OCA2: variants seen among roughly 807,000 people sequenced by gnomAD.
OCA2 encodes P protein.
A neutral mutation model predicts 100.2 loss-of-function variants in OCA2; 77 were observed. That is an observed-to-expected ratio of 0.77 (90% CI 0.64 to 0.93). The LOEUF (loss-of-function observed/expected upper bound fraction) is 0.93. OCA2 is among the 40% of genes least tolerant of loss of function. The pLI is 0.00. For synonymous variants in OCA2, 432 were observed against 439.2 expected (o/e 0.98, Z 0.21); for missense variants, 1,062 against 1,089.1 (o/e 0.98, Z 0.35).
At position 28,004,076 on chromosome 15, in the gene OCA2, T is replaced by G. The variant is rs973608357; in HGVS notation, c.1044+10700A>C. ...TGCAAGACACCCTGCTCTTCCTTCC[T>G]GTGGGTCTCTCTGCACGTCACTGAT... On this transcript the variant is annotated intron_variant, in intron 9 of 23. Transcript: ENST00000354638. Among the ~76,000 whole-genome samples, 9 of 152,378 alleles carry G rather than the reference T, an allele frequency of 5.9e-5. No homozygotes were observed. The South Asian group carries it at 1.9e-3, about 32-fold the overall frequency.
chr15:27,828,612 C>T (rs17674249), intron 23 of OCA2, among the ~76,000 whole-genome samples: 21,707 of 152,048 alleles, frequency 0.14, 2,309 homozygotes, highest in East Asian at 0.54. Context: ...ATGGCCGAGA[C>T]AAATACAGTA....
At position 27,799,199 on chromosome 15, in the gene OCA2, C is replaced by T. The variant is rs377488026; in HGVS notation, c.2433-43727G>A. Among the ~76,000 whole-genome samples, 31 of 152,322 alleles carry T rather than the reference C, an allele frequency of 2.0e-4. No homozygotes were observed. The South Asian group carries it at 5.6e-3, about 28-fold the overall frequency. ...TGCAAAGATGGACCAAGCTGCCCCA[C>T]GGACATTATCCACTCATTCACTCAA... On this transcript the variant is annotated intron_variant, in intron 23 of 23. Coordinates refer to ENST00000354638, the MANE Select transcript of OCA2 (RefSeq NM_000275.3).
At chr15:28,027,319 T>C (rs2042783677) in intron 4 of OCA2, among the ~76,000 whole-genome samples, 1 of 152,150 alleles carries the variant, frequency 6.6e-6, no homozygotes, top group African/African-American at 2.4e-5. Context: ...CCATCCACTT[T>C]CTCTATGCAA....
intron 1 of OCA2, among the ~76,000 whole-genome samples, chr15:28,096,976 C>A (rs1461021248): frequency 6.6e-6 from 1 of 152,136 alleles, no homozygotes; most frequent in Non-Finnish European, 1.5e-5. Flanking sequence ...CTCCCCGCGG[C>A]GCCGCTGCCG....
intron 2 of OCA2, among the ~76,000 whole-genome samples, chr15:28,059,929 C>T (rs1336887774): frequency 1.3e-5 from 2 of 152,202 alleles, no homozygotes; most frequent in Admixed American, 1.3e-4. Context: ...TCATTCAAGC[C>T]AAAGTTCAGA....
At chr15:28,010,105 G>C (rs964790674) in intron 9 of OCA2, among the ~76,000 whole-genome samples, 1 of 151,314 alleles carries the variant, frequency 6.6e-6, no homozygotes, top group Non-Finnish European at 1.5e-5. Flanking sequence ...AAAACCATAT[G>C]AGCACATCAG....
At chr15:27,838,892 C>T (rs1434122455) in intron 23 of OCA2, among the ~76,000 whole-genome samples, 1 of 152,174 alleles carries the variant, frequency 6.6e-6, no homozygotes, top group African/African-American at 2.4e-5. Flanking sequence ...CAAAGATTAG[C>T]TTCACCTGTC....
At chr15:28,054,342 T>C (rs1271594806) in intron 2 of OCA2, among the ~76,000 whole-genome samples, 1 of 152,214 alleles carries the variant, frequency 6.6e-6, no homozygotes, top group Non-Finnish European at 1.5e-5. Flanking sequence ...TGTGTGTTTA[T>C]GTGTGTGCAT....
intron 1 of OCA2, among the ~76,000 whole-genome samples, chr15:28,090,938 A>G (rs932739142): frequency 1.3e-5 from 2 of 152,190 alleles, no homozygotes; most frequent in African/African-American, 4.8e-5. Context: ...GGAATTAACA[A>G]TCCTCTAGCA....
At chr15:28,017,907 C>A (rs928688614) in intron 7 of OCA2, among the ~76,000 whole-genome samples, 1 of 152,132 alleles carries the variant, frequency 6.6e-6, no homozygotes, top group South Asian at 2.1e-4. Context: ...CGCTTCCTGG[C>A]TGCCTTTGCA....
chr15:28,027,813 G>T, intron 4 of OCA2, 58 bp downstream of exon 4: 1 of 1,561,506 alleles, frequency 6.4e-7, no homozygotes, highest in Non-Finnish European at 8.8e-7. Flanking sequence ...GAGGGGCCAT[G>T]TAGGACGCGA....
intron 23 of OCA2, among the ~76,000 whole-genome samples, chr15:27,839,579 T>C (rs1225759451): frequency 2.6e-5 from 4 of 152,186 alleles, no homozygotes; most frequent in Non-Finnish European, 4.4e-5. Flanking sequence ...GGATGTTTAA[T>C]AGTGCTAAAA....
intron 21 of OCA2, among the ~76,000 whole-genome samples, chr15:27,866,755 A>C (rs979355919): frequency 2.6e-5 from 4 of 152,212 alleles, no homozygotes; most frequent in Non-Finnish European, 5.9e-5. Context: ...TGAGGTAGGG[A>C]TGGAGAAAGG....
intron 23 of OCA2, among the ~76,000 whole-genome samples, chr15:27,811,063 C>CT (rs35755353): frequency 0.73 from 111,374 of 152,002 alleles, 42,141 homozygotes; most frequent in East Asian, 1. Context: ...AAAAAGACAC[C>CT]GTACATGCAT....
intron 23 of OCA2, among the ~76,000 whole-genome samples, chr15:27,838,712 A>C (rs943700306): frequency 2.0e-5 from 3 of 152,230 alleles, no homozygotes; most frequent in Non-Finnish European, 4.4e-5. Flanking sequence ...ACACACACAT[A>C]CAGCTGAGGC....
At chr15:27,834,931 G>A (rs890633850) in intron 23 of OCA2, among the ~76,000 whole-genome samples, 7 of 152,136 alleles carry the variant, frequency 4.6e-5, no homozygotes, top group African/African-American at 1.7e-4. Flanking sequence ...AATGCACCAC[G>A]CTCATCTCAG....
downstream of OCA2, among the ~76,000 whole-genome samples, chr15:27,750,390 C>G (rs148519451): frequency 8.7e-3 from 1,331 of 152,266 alleles, 21 homozygotes; most frequent in African/African-American, 0.031. Context: ...TGGACAGGCA[C>G]ACTCACCGGG....
intron 23 of OCA2, among the ~76,000 whole-genome samples, chr15:27,789,914 G>A (rs1007558395): frequency 6.6e-6 from 1 of 151,986 alleles, no homozygotes; most frequent in Non-Finnish European, 1.5e-5. Flanking sequence ...AATACTAAAG[G>A]CATGATCCCC....
chr15:27,878,557 C>T (rs1375837699), intron 19 of OCA2, among the ~76,000 whole-genome samples: 1 of 152,170 alleles, frequency 6.6e-6, no homozygotes, highest in Admixed American at 6.5e-5. Flanking sequence ...TCCAGGATTT[C>T]TGATCAGAAA....
Sources: gnomAD v4.1 joint callset for allele counts (sites outside exome capture counted in the v4.1 genomes callset) on GRCh38, gnomAD v4.1.1 for gene constraint, MANE v1.5 for transcripts, NCBI Gene and HGNC (gene_info 2026-07-23, HGNC 2026-07-21) for gene names.